The following EYS variants were observed in gnomAD, a reference collection of about 807,000 sequenced individuals.
The protein encoded by EYS is protein eyes shut homolog.
EYS carries 250 observed loss-of-function variants against 282.1 expected under a neutral mutation model. The ratio of observed to expected loss-of-function variants is 0.89; its 90% CI spans 0.80 to 0.98. The LOEUF is 0.98. Ranked by LOEUF, EYS falls within the 50% of genes least tolerant of loss-of-function variation. The pLI, the probability that EYS is intolerant of heterozygous loss-of-function variation, is 0.00. For missense variants in EYS, 4,016 were observed against 3,709.0 expected (o/e 1.08, Z -2.15); for synonymous variants, 1,355 against 1,282.9 (o/e 1.06, Z -1.20).
At position 63,891,738 on chromosome 6, in the gene EYS, A is replaced by G. The variant is rs113780922; in HGVS notation, c.7056-27380T>C. On this transcript the variant is annotated intron_variant, in intron 35 of 42. Transcript: ENST00000503581. ...TACTATTGGAAGTTCTGGCCAGGGGAATCAGGCAAGAGAACGAAATAAAGG... is the reference window on the plus strand; with the variant it reads ...TACTATTGGAAGTTCTGGCCAGGGGGATCAGGCAAGAGAACGAAATAAAGG... Among the ~76,000 whole-genome samples the G allele has an allele frequency of 2.7e-4, 41 of 152,316 alleles. 1 individual carries two copies. Among genetic ancestry groups the G allele is most frequent in the African/African-American group, 9.6e-4 (40 of 41,570 alleles).
At chr6:64,552,322 A>G (rs749027665) in intron 26 of EYS, among the ~76,000 whole-genome samples, 1 of 152,222 alleles carries the variant, frequency 6.6e-6, no homozygotes, top group African/African-American at 2.4e-5. Flanking sequence ...TTTATTTGAC[A>G]TATTTTGAAA....
chr6:64,431,697 T>A (rs988913452), intron 28 of EYS, among the ~76,000 whole-genome samples: 5 of 152,140 alleles, frequency 3.3e-5, no homozygotes, highest in African/African-American at 1.2e-4. Flanking sequence ...TACTGTGGCA[T>A]TTGATGACCT....
chr6:65,343,916 T>G, intron 10 of EYS, 122 bp downstream of exon 10: 1 of 824,384 alleles, frequency 1.2e-6, no homozygotes. Flanking sequence ...ATATTTAAAC[T>G]ATGCAAACTA....
chr6:65,454,277 GAT>G (rs538604660), intron 5 of EYS, among the ~76,000 whole-genome samples: 57 of 151,526 alleles, frequency 3.8e-4, no homozygotes, highest in Non-Finnish European at 6.3e-4. Context: ...AGTAATGTTG[GAT>G]ATATTTTATA....
intron 22 of EYS, among the ~76,000 whole-genome samples, chr6:64,735,741 T>G (rs1159154452): frequency 6.6e-6 from 1 of 152,134 alleles, no homozygotes; most frequent in East Asian, 1.9e-4. Context: ...CAAAAGTATT[T>G]ATTTTTTGAC....
intron 12 of EYS, among the ~76,000 whole-genome samples, chr6:65,067,390 T>C (rs1773779056): frequency 6.6e-6 from 1 of 152,032 alleles, no homozygotes. Context: ...AAATCTAAGA[T>C]GCCACAGATT....
intron 26 of EYS, among the ~76,000 whole-genome samples, chr6:64,534,596 C>A (rs1170049921): frequency 6.6e-6 from 1 of 151,858 alleles, no homozygotes; most frequent in African/African-American, 2.4e-5. Context: ...TGTCATTGCT[C>A]TTCTTTCCTC....
chr6:65,615,866 G>A (rs186662914), intron 2 of EYS, among the ~76,000 whole-genome samples: 11 of 152,020 alleles, frequency 7.2e-5, no homozygotes, highest in Admixed American at 4.6e-4. Context: ...GCCAGGAGGC[G>A]GAGCATGCAG....
chr6:64,119,797 G>A (rs1773513182), intron 31 of EYS, among the ~76,000 whole-genome samples: 1 of 152,204 alleles, frequency 6.6e-6, no homozygotes, highest in Admixed American at 6.5e-5. Context: ...TCACAGAGGT[G>A]TGTGAAGATG....
At chr6:64,526,248 G>C (rs572005606) in intron 26 of EYS, among the ~76,000 whole-genome samples, 50 of 151,836 alleles carry the variant, frequency 3.3e-4, no homozygotes, top group African/African-American at 1.1e-3. Flanking sequence ...TCCTCGTGGT[G>C]ATAGGAATGT....
chr6:64,015,122 A>G (rs1483285353), intron 33 of EYS, among the ~76,000 whole-genome samples: 1 of 152,194 alleles, frequency 6.6e-6, no homozygotes, highest in East Asian at 1.9e-4. Flanking sequence ...ATTTAATTGA[A>G]TAAGTAACCA....
intron 26 of EYS, among the ~76,000 whole-genome samples, chr6:64,517,902 A>C (rs993896611): frequency 6.6e-6 from 1 of 151,756 alleles, no homozygotes; most frequent in Non-Finnish European, 1.5e-5. Flanking sequence ...AAAATAACTT[A>C]CTTGGCAAAG....
At chr6:63,751,031 A>G (rs1458777276) in intron 41 of EYS, among the ~76,000 whole-genome samples, 3 of 152,136 alleles carry the variant, frequency 2.0e-5, no homozygotes, top group Admixed American at 1.3e-4. Context: ...ATTTCAGCAC[A>G]TCTATTTAAT....
chr6:65,425,329 T>C (rs1767619275), intron 5 of EYS, among the ~76,000 whole-genome samples: 1 of 152,020 alleles, frequency 6.6e-6, no homozygotes, highest in Admixed American at 6.6e-5. Flanking sequence ...ACAAGTAAAA[T>C]TTGGAAATGT....
chr6:65,398,867 G>C (rs1218697085), intron 7 of EYS, among the ~76,000 whole-genome samples: 2 of 152,008 alleles, frequency 1.3e-5, no homozygotes, highest in African/African-American at 4.8e-5. Context: ...TTCCATTTTG[G>C]AAATGGTATT....
intron 32 of EYS, among the ~76,000 whole-genome samples, chr6:64,080,787 T>C (rs2149867951): frequency 1.3e-5 from 2 of 152,074 alleles, no homozygotes; most frequent in Admixed American, 1.3e-4. Flanking sequence ...CTAGCCAGTT[T>C]TCCCAGCACC....
chr6:64,538,810 A>T (rs1366850654), intron 26 of EYS, among the ~76,000 whole-genome samples: 1 of 152,222 alleles, frequency 6.6e-6, no homozygotes, highest in Non-Finnish European at 1.5e-5. Flanking sequence ...TTAAATTCCC[A>T]TTATCAAATG....
At chr6:63,889,150 CA>C (rs1478134572) in intron 35 of EYS, among the ~76,000 whole-genome samples, 1 of 152,020 alleles carries the variant, frequency 6.6e-6, no homozygotes, top group Non-Finnish European at 1.5e-5. Context: ...GTGAAAAGAC[CA>C]AACCTACATT....
chr6:64,436,337 CTTTATTA>C (rs1337337672), intron 27 of EYS, 72 bp from the exon 28 acceptor site: 2 of 747,872 alleles, frequency 2.7e-6, no homozygotes, highest in African/African-American at 3.6e-5. Context: ...TTGCACTGGA[CTTTATTA>C]TTTATCAATA....
Sources: allele counts gnomAD v4.1 joint callset (sites outside exome capture counted in the v4.1 genomes callset), GRCh38; gene constraint gnomAD v4.1.1; transcripts MANE v1.5; gene names NCBI Gene and HGNC (gene_info 2026-07-23, HGNC 2026-07-21).